Variants in CHRM2 observed in about 807,000 individuals in gnomAD.
The protein encoded by CHRM2 is cholinergic receptor muscarinic 2, also known as muscarinic acetylcholine receptor M2.
Under a neutral mutation model 25.0 loss-of-function variants are expected in CHRM2, and 8 were observed. That is an observed-to-expected ratio of 0.32 (90% CI 0.19 to 0.58). CHRM2 has a LOEUF of 0.58. Ranked by LOEUF, CHRM2 falls within the 20% of genes least tolerant of loss-of-function variation. CHRM2 has a pLI of 0.88. For missense variants in CHRM2, 440 were observed against 567.1 expected (o/e 0.78, Z 2.28); for synonymous variants, 202 against 205.7 (o/e 0.98, Z 0.15).
intron 2 of CHRM2, among the ~76,000 whole-genome samples, chr7:136,976,843 A>G (rs774842100): frequency 2.6e-5 from 4 of 152,302 alleles, no homozygotes; most frequent in Middle Eastern, 3.4e-3. Flanking sequence ...AACTTGGTCC[A>G]TGGAACAATG....
intron 2 of CHRM2, among the ~76,000 whole-genome samples, chr7:136,988,265 A>G (rs751598356): frequency 2.4e-4 from 36 of 151,938 alleles, no homozygotes; most frequent in Admixed American, 7.2e-4. Context: ...AAAGGAGGTC[A>G]GGGAAGAGAA....
intron 2 of CHRM2, among the ~76,000 whole-genome samples, chr7:136,959,313 C>T (rs1193449330): frequency 6.6e-6 from 1 of 151,996 alleles, no homozygotes; most frequent in African/African-American, 2.4e-5. Flanking sequence ...GAGGTTATGC[C>T]CTTCTGACCA....
rs1805094537 is a variant in CHRM2 at position 137,015,285 on chromosome 7, A to G, written c.420A>G (p.Ala140=). The G allele has an allele frequency of 6.2e-7, 1 of 1,613,236 alleles. No individual in the cohort carries two copies. The highest frequency in any genetic ancestry group is 1.7e-5 in the Admixed American group (1 of 59,904). The change falls in exon 4 of 4, where the codon GCA becomes GCG. Residue 140 remains alanine, a synonymous_variant. Coordinates refer to ENST00000680005, the MANE Select transcript of CHRM2 (RefSeq NM_001006630.2). The surrounding 1 kb of genome is among the most constrained non-coding windows in gnomAD (Gnocchi z 5.1). ...CAGTCAAGCGGACCACAAAAATGGC[A>G]GGTATGATGATTGCAGCTGCCTGGG... ...TYPVKRTTKM[A]GMMIAAAWVL...
intron 2 of CHRM2, among the ~76,000 whole-genome samples, chr7:136,920,564 G>T (rs1041478712): frequency 6.6e-6 from 1 of 152,090 alleles, no homozygotes; most frequent in South Asian, 2.1e-4. Context: ...TGACCCCGGG[G>T]TCTGTTGCCC....
intron 2 of CHRM2, among the ~76,000 whole-genome samples, chr7:136,895,460 C>A (rs1244427916): frequency 6.6e-6 from 1 of 152,166 alleles, no homozygotes; most frequent in Non-Finnish European, 1.5e-5. Flanking sequence ...TTATATTTAA[C>A]AGGTAGGACT....
At chr7:136,870,994 C>A (rs1795807533) in intron 2 of CHRM2, 1 of 152,604 alleles carries the variant, frequency 6.6e-6, no homozygotes, top group Non-Finnish European at 1.5e-5. Flanking sequence ...ATTTGCCCAT[C>A]CCCTAGTACA....
intron 2 of CHRM2, among the ~76,000 whole-genome samples, chr7:136,990,715 T>G (rs186255585): frequency 6.6e-6 from 1 of 152,294 alleles, no homozygotes; most frequent in Non-Finnish European, 1.5e-5. Flanking sequence ...GTTTTTAACT[T>G]ATTTGGGTAA....
intron 3 of CHRM2, among the ~76,000 whole-genome samples, chr7:137,010,919 C>A: frequency 6.6e-6 from 1 of 151,876 alleles, no homozygotes; most frequent in Non-Finnish European, 1.5e-5. Context: ...GGAAACAGAG[C>A]GAGTGTGTAT....
chr7:136,947,664 G>A (rs181737889), intron 2 of CHRM2, among the ~76,000 whole-genome samples: 4 of 152,184 alleles, frequency 2.6e-5, no homozygotes, highest in Admixed American at 2.6e-4. Flanking sequence ...TAGAGAAAAT[G>A]ATTACTCCTA....
At chr7:136,943,565 C>T (rs917765659) in intron 2 of CHRM2, among the ~76,000 whole-genome samples, 3 of 152,054 alleles carry the variant, frequency 2.0e-5, no homozygotes, top group South Asian at 2.1e-4. Context: ...TTGTAACGGT[C>T]GCCAAGCTAA....
chr7:136,906,092 A>T (rs1277771973), intron 2 of CHRM2, among the ~76,000 whole-genome samples: 2 of 151,080 alleles, frequency 1.3e-5, no homozygotes, highest in Non-Finnish European at 3.0e-5. Context: ...AACAAAATTT[A>T]CAATATGTAT....
At chr7:137,000,202 T>C (rs1273670263) in intron 3 of CHRM2, among the ~76,000 whole-genome samples, 1 of 135,158 alleles carries the variant, frequency 7.4e-6, no homozygotes, top group African/African-American at 2.8e-5. Flanking sequence ...TTCTTTTTTT[T>C]TTTTTTTTTT....
At position 136,963,602 on chromosome 7, in the gene CHRM2, G is replaced by C. The variant is rs1047074928; in HGVS notation, c.-124-28585G>C. On this transcript the variant is annotated intron_variant, in intron 2 of 3. Coordinates refer to ENST00000680005, the MANE Select transcript of CHRM2 (RefSeq NM_001006630.2). The stretch of plus-strand genomic sequence containing the variant: ...TGGAAATTAATTATTCTCTATTCAA[G>C]GCGCACGTCCCCACAATTTAGTCCA... Among the ~76,000 whole-genome samples the C allele has an allele frequency of 2.0e-5, 3 of 152,254 alleles. No individual in the cohort carries two copies. The East Asian group carries it at 5.8e-4, about 29-fold the overall frequency.
chr7:136,931,047 ATC>A (rs1799074501), intron 2 of CHRM2, among the ~76,000 whole-genome samples: 2 of 151,998 alleles, frequency 1.3e-5, no homozygotes, highest in Non-Finnish European at 2.9e-5. Context: ...TGGTACGATT[ATC>A]TCCTTACTAC....
intron 2 of CHRM2, among the ~76,000 whole-genome samples, chr7:136,979,226 T>G (rs1194686888): frequency 1.3e-5 from 2 of 152,248 alleles, no homozygotes; most frequent in Non-Finnish European, 2.9e-5. Flanking sequence ...TTTTCATGTT[T>G]GTTGGCTGCA....
chr7:136,986,675 A>G (rs968632899), intron 2 of CHRM2, among the ~76,000 whole-genome samples: 5 of 152,164 alleles, frequency 3.3e-5, no homozygotes, highest in African/African-American at 9.7e-5. Flanking sequence ...TTTGGTCTAA[A>G]TGTCTCTTAC....
chr7:136,955,164 A>G (rs967246907), intron 2 of CHRM2, among the ~76,000 whole-genome samples: 2 of 152,058 alleles, frequency 1.3e-5, no homozygotes, highest in African/African-American at 4.8e-5. Context: ...TGAGTAAAAT[A>G]TTCACCTCTC....
chr7:136,909,116 A>T (rs1797708210), intron 2 of CHRM2, among the ~76,000 whole-genome samples: 1 of 151,958 alleles, frequency 6.6e-6, no homozygotes. Context: ...ACATACATGA[A>T]TCCCACTGGA....
intron 2 of CHRM2, among the ~76,000 whole-genome samples, chr7:136,930,927 A>AAAAAAAG (rs1290104978): frequency 7.9e-5 from 11 of 138,660 alleles, no homozygotes; most frequent in African/African-American, 3.1e-4. Context: ...AAAAAAAAAA[A>AAAAAAAG]GGATAGAAAG....
Sources: gnomAD v4.1 joint callset for allele counts (sites outside exome capture counted in the v4.1 genomes callset) on GRCh38, gnomAD v4.1.1 for gene constraint, Gnocchi (gnomAD v3.1) non-coding constraint, MANE v1.5 for transcripts, NCBI Gene and HGNC (gene_info 2026-07-23, HGNC 2026-07-21) for gene names.